The following USP42 variants were observed in gnomAD, a reference collection of about 807,000 sequenced individuals.
USP42 encodes the protein ubiquitin carboxyl-terminal hydrolase 42.
USP42 carries 23 observed loss-of-function variants against 113.0 expected under a neutral mutation model. That is an observed-to-expected ratio of 0.20 (90% confidence interval 0.15 to 0.29). The LOEUF (loss-of-function observed/expected upper bound fraction) is 0.29, where lower values mean the gene tolerates loss of function less well. Among genes scored for constraint, USP42 ranks in the 10% least tolerant of loss-of-function variants. USP42 has a pLI of 1.00. For missense variants in USP42, 2,174 were observed against 1,779.8 expected (o/e 1.22, Z -3.99); for synonymous variants, 933 against 699.0 (o/e 1.33, Z -5.28).
chr7:6,114,627 C>T (rs1029069572), intron 2 of USP42, among the ~76,000 whole-genome samples: 8 of 112,220 alleles, frequency 7.1e-5, no homozygotes, highest in South Asian at 3.2e-4. Flanking sequence ...ACATAAAATA[C>T]GTGTGTGTGT....
intron 3 of USP42, among the ~76,000 whole-genome samples, chr7:6,119,691 T>G (rs560061959): frequency 6.6e-6 from 1 of 152,174 alleles, no homozygotes; most frequent in East Asian, 1.9e-4. Flanking sequence ...GGCCTTGTTT[T>G]TTGTTGTTGT....
intron 17 of USP42, among the ~76,000 whole-genome samples, chr7:6,160,277 T>C (rs550852770): frequency 8.5e-5 from 13 of 152,250 alleles, no homozygotes; most frequent in African/African-American, 3.1e-4. Context: ...CAACCCTAAT[T>C]AAGGAGCTAA....
intron 3 of USP42, among the ~76,000 whole-genome samples, chr7:6,132,565 G>T (rs1403573360): frequency 6.6e-6 from 1 of 151,972 alleles, no homozygotes; most frequent in Non-Finnish European, 1.5e-5. Context: ...CACCATGTTA[G>T]CCAGGCTGGT....
At chr7:6,124,703 T>C (rs1201937196) in intron 3 of USP42, among the ~76,000 whole-genome samples, 1 of 152,218 alleles carries the variant, frequency 6.6e-6, no homozygotes, top group Non-Finnish European at 1.5e-5. Flanking sequence ...ATCTACCATC[T>C]TGCTATTTTT....
chr7:6,154,447 C>A lies in USP42; in HGVS notation c.2893C>A (p.Pro965Thr). 6.4e-7 allele frequency: 1 copy of A among 1,567,058 alleles called. No homozygotes were observed. Among genetic ancestry groups the A allele is most frequent in the Admixed American group, 1.9e-5 (1 of 53,112 alleles). ...SRRERSSSGEPARESRSKTEG... is the reference protein window; with the variant it reads ...SRRERSSSGETARESRSKTEG... The stretch of plus-strand genomic sequence containing the variant: ...GAGAGAGCGCTCGTCCAGCGGGGAG[C>A]CCGCCAGAGAGAGCAGGAGCAAGAC... The change falls in exon 15 of 18, where the codon CCC (proline) becomes ACC (threonine). Residue 965 changes from proline to threonine, a missense_variant. By Grantham distance (38) the Pro-to-Thr change is conservative. Transcript: ENST00000306177.
rs1019937450 is a variant in USP42 at position 6,151,776 on chromosome 7, T to C, written c.2201+1270T>C. Among the ~76,000 whole-genome samples, 12 of 152,310 alleles carry C rather than the reference T, an allele frequency of 7.9e-5. No homozygotes were observed. The South Asian group carries it at 2.3e-3, about 29-fold the overall frequency. On this transcript the variant is annotated intron_variant, in intron 14 of 17. Transcript: ENST00000306177. ...CGTTTATTGCCATTGTCATGTATTA[T>C]GTACTAATCGTATGTGCTAGACTTC...
chr7:6,097,418 T>G, the USP42 span, among the ~76,000 whole-genome samples: 1 of 123,698 alleles, frequency 8.1e-6, no homozygotes, highest in Non-Finnish European at 1.6e-5. Context: ...GGAGACAGGC[T>G]CATGCACTGT....
rs1365546307 is a variant in USP42, at chr7:6,159,194, ATCTGT to A, written c.3944-252_3944-248del. On this transcript the variant is annotated intron_variant, in intron 16 of 17. Coordinates refer to ENST00000306177, the MANE Select transcript of USP42 (RefSeq NM_032172.3). The surrounding 1 kb of genome is among the most constrained non-coding windows in gnomAD (Gnocchi z 4.1). ...GCCCAGTTCAGTTCTTGGGCCTGATATCTGTTCTAACATCAGGCTGCGTGTGGGTT... is the reference window on the plus strand; with the variant it reads ...GCCCAGTTCAGTTCTTGGGCCTGATATCTAACATCAGGCTGCGTGTGGGTT... 1.3e-5 allele frequency among the ~76,000 whole-genome samples: 2 copies of A among 152,118 alleles called. No homozygotes were observed. Among genetic ancestry groups the A allele is most frequent in the Non-Finnish European group, 1.5e-5 (1 of 68,028 alleles).
the USP42 span, among the ~76,000 whole-genome samples, chr7:6,086,202 A>ATT: frequency 5.0e-4 from 61 of 122,636 alleles, 1 homozygote; most frequent in African/African-American, 1.4e-3. Context: ...CACCTGGCTA[A>ATT]TTTTTTTTTT....
At chr7:6,089,512 C>T in the USP42 span, among the ~76,000 whole-genome samples, 16 of 150,196 alleles carry the variant, frequency 1.1e-4, no homozygotes, top group African/African-American at 2.5e-4. Flanking sequence ...CCCTGGACCC[C>T]GTCCCTGCTT....
chr7:6,126,582 C>T (rs564941774), intron 3 of USP42, among the ~76,000 whole-genome samples: 76 of 152,098 alleles, frequency 5.0e-4, no homozygotes, highest in African/African-American at 1.7e-3. Context: ...ACTGTGCCGG[C>T]CTGATAACGC....
In USP42 at chr7:6,149,863, C is replaced by G. The variant is rs61729720; in HGVS notation, c.1667C>G (p.Ser556Cys). 158 of 1,614,074 alleles carry G rather than the reference C, an allele frequency of 9.8e-5. No homozygotes were observed. The African/African-American group carries it at 1.3e-3, about 13-fold the overall frequency. ...LENPTKPVPS[S>C]TITNSAVQST... Reference sequence around the variant, plus strand: ...AACCCTACCAAGCCCGTTCCCTCTTCTACCATTACCAATTCTGCAGTACAG... The same window carrying G: ...AACCCTACCAAGCCCGTTCCCTCTTGTACCATTACCAATTCTGCAGTACAG... Residue 556 changes from serine (S) to cysteine (C), a missense_variant, in exon 13 of 18, where the codon TCT becomes TGT. By Grantham distance (112) the Ser-to-Cys change is moderately radical. Transcript: ENST00000306177.
chr7:6,132,042 C>A (rs1780879166), intron 3 of USP42, among the ~76,000 whole-genome samples: 2 of 152,174 alleles, frequency 1.3e-5, no homozygotes, highest in African/African-American at 4.8e-5. Context: ...AAGTAATCCT[C>A]CCACCTCAAC....
Position 6,154,373 on chromosome 7 carries a change from A to G in USP42, c.2819A>G (p.Glu940Gly). Residue 940 changes from glutamate to glycine, a missense_variant, in exon 15 of 18, where the codon GAG (glutamate) becomes GGG (glycine). Transcript: ENST00000306177. ...PKAPGPSPAKEKIGSLRKVDR... is the reference protein window; with the variant it reads ...PKAPGPSPAKGKIGSLRKVDR... ...GCCCCAGGCCCTTCCCCAGCGAAGG[A>G]GAAAATCGGCAGCCTCAGAAAGGTG... is the stretch of plus-strand genomic sequence containing the variant. The G allele has an allele frequency of 6.3e-7, 1 of 1,576,522 alleles. No homozygotes were observed. The highest frequency in any genetic ancestry group is 8.6e-7 in the Non-Finnish European group (1 of 1,162,800).
rs1399489086 is a variant in USP42 at position 6,155,093 on chromosome 7, G to A, written c.3539G>A (p.Arg1180Lys). The part of the protein sequence containing the change: ...SDSHVEKKAR[R>K]SEQKDPLEEP... ...AGTCATGTTGAAAAGAAAGCCCGGA[G>A]GAGCGAACAGAAGGATCCTCTAGAA... Residue 1180 changes from arginine to lysine, a missense_variant, in exon 15 of 18, where the codon AGG becomes AAG. Arg to Lys is a conservative substitution (Grantham distance 26). Coordinates refer to ENST00000306177, the MANE Select transcript of USP42 (RefSeq NM_032172.3). 6.4e-7 allele frequency: 1 copy of A among 1,560,812 alleles called. No individual in the cohort carries two copies. Among genetic ancestry groups the A allele is most frequent in the Non-Finnish European group, 8.7e-7 (1 of 1,152,564 alleles).
chr7:6,098,956 G>C, the USP42 span, among the ~76,000 whole-genome samples: 1 of 150,218 alleles, frequency 6.7e-6, no homozygotes, highest in Non-Finnish European at 1.5e-5. Flanking sequence ...AAGTTCTACG[G>C]ACATTAGAGT....
chr7:6,118,939 C>G (rs1780060310), intron 3 of USP42, among the ~76,000 whole-genome samples: 1 of 151,762 alleles, frequency 6.6e-6, no homozygotes, highest in Non-Finnish European at 1.5e-5. Context: ...TTGTGGCCAA[C>G]TGCAGTGGCT....
intron 3 of USP42, among the ~76,000 whole-genome samples, chr7:6,120,389 C>T (rs992969045): frequency 1.3e-5 from 2 of 152,126 alleles, no homozygotes; most frequent in Non-Finnish European, 1.5e-5. Flanking sequence ...ATTACAGGCA[C>T]GCACCATCAC....
rs1416438872 is a variant in USP42 at position 6,158,423 on chromosome 7, G to A, written c.3944-1027G>A. 6.6e-6 allele frequency among the ~76,000 whole-genome samples: 1 copy of A among 152,368 alleles called. No homozygotes were observed. The highest frequency in any genetic ancestry group is 2.4e-5 in the African/African-American group (1 of 41,600). ...TGACGAATCTTCAGGGCTGCCCTGAGGCCTTTTGCTTCTCGGCTGAGTTGT... is the reference window on the plus strand; with the variant it reads ...TGACGAATCTTCAGGGCTGCCCTGAAGCCTTTTGCTTCTCGGCTGAGTTGT... On this transcript the variant is annotated intron_variant, in intron 16 of 17. Coordinates refer to ENST00000306177, the MANE Select transcript of USP42 (RefSeq NM_032172.3). The surrounding 1 kb of genome is among the most constrained non-coding windows in gnomAD (Gnocchi z 4.2).
Sources: gnomAD v4.1 joint callset for allele counts (sites outside exome capture counted in the v4.1 genomes callset) on GRCh38, gnomAD v4.1.1 for gene constraint, Gnocchi (gnomAD v3.1) non-coding constraint, MANE v1.5 for transcripts, NCBI Gene and HGNC (gene_info 2026-07-23, HGNC 2026-07-21) for gene names.